The following GCSAML variants were observed in gnomAD, a reference collection of about 807,000 sequenced individuals.
GCSAML encodes germinal center associated signaling and motility like, also known as germinal center-associated signaling and motility-like protein.
GCSAML carries 9 observed loss-of-function variants against 13.0 expected under a neutral mutation model. The ratio of observed to expected loss-of-function variants is 0.69; its 90% CI spans 0.42 to 1.21. The LOEUF is 1.21. Ranked by LOEUF, GCSAML falls within the 50% of genes most tolerant of loss-of-function variation. The probability of loss-of-function intolerance (pLI) is 0.00; values close to 1 mark genes in which losing one functional copy is unlikely to be tolerated. For missense variants in GCSAML, 143 were observed against 153.4 expected, an observed-to-expected ratio of 0.93 and a Z score of 0.36; for synonymous variants, 37 against 52.9, an observed-to-expected ratio of 0.70 and a Z score of 1.31.
chr1:247,532,671 G>A (rs1040666184), intron 2 of GCSAML: 21 of 713,248 alleles, frequency 2.9e-5, no homozygotes, highest in African/African-American at 2.3e-4. Flanking sequence ...TGTGTTGCCC[G>A]GGCTAACTTC....
intron 2 of GCSAML, chr1:247,531,266 G>T: frequency 2.4e-6 from 1 of 418,310 alleles, no homozygotes; most frequent in Non-Finnish European, 4.3e-6. Flanking sequence ...GGATACTGAG[G>T]AACAGCTGAA....
chr1:247,574,098 G>T, intron 4 of GCSAML, 45 bp from the exon 5 acceptor site: 1 of 1,605,646 alleles, frequency 6.2e-7, no homozygotes, highest in South Asian at 1.1e-5. Context: ...TTCAATTTAT[G>T]AATGACCGTG....
rs73148444 is a variant in GCSAML, at chr1:247,531,457, T to C, written c.-148+4403T>C. On this transcript the variant is annotated intron_variant, in intron 2 of 5. Coordinates refer to the GCSAML transcript ENST00000366489. ...CATCTACCTTGAGCTCAAACAATAT[T>C]AGAAGAAAAACGACATCCCAAGTGC... 5.1e-3 allele frequency: 6,597 copies of C among 1,303,978 alleles called. 270 individuals carry two copies. In the African/African-American group the frequency reaches 0.085, roughly 17 times the overall value. 80.8% of individuals were successfully genotyped at this position (1,303,978 alleles called of 1,614,324 possible).
At position 247,549,198 on chromosome 1, in the gene GCSAML, A is replaced by C. The variant is rs1194957303; in HGVS notation, c.7A>C (p.Asn3His). 1.2e-6 allele frequency: 2 copies of C among 1,614,112 alleles called. No homozygotes were observed. Among genetic ancestry groups the C allele is most frequent in the South Asian group, 2.2e-5 (2 of 91,078 alleles). The change falls in exon 1 of 5, where the codon AAT becomes CAT. Residue 3 changes from asparagine (N) to histidine (H), a missense_variant. By Grantham distance (68) the Asn-to-His change is moderately conservative. Transcript: ENST00000366488. The stretch of plus-strand genomic sequence containing the variant: ...ACCGAGTCACTGTGAAAAGATGGGA[A>C]ATTATCTCCTGCGAAAACTCAGGTG... MG[N>H]YLLRKLSCLG...
At chr1:247,564,407 GCT>G (rs967990770) in intron 3 of GCSAML, among the ~76,000 whole-genome samples, 1 of 147,700 alleles carries the variant, frequency 6.8e-6, no homozygotes, top group Admixed American at 6.8e-5. Context: ...AAAAGAATTT[GCT>G]CTGTTTGCCA....
At chr1:247,521,543 C>A (rs891738612) in intron 1 of GCSAML, among the ~76,000 whole-genome samples, 2 of 152,198 alleles carry the variant, frequency 1.3e-5, no homozygotes, top group Non-Finnish European at 2.9e-5. Flanking sequence ...CGACGCCTGA[C>A]TGGTTTTCGT....
intron 1 of GCSAML, among the ~76,000 whole-genome samples, chr1:247,516,891 G>T (rs1422054426): frequency 6.6e-6 from 1 of 152,162 alleles, no homozygotes; most frequent in African/African-American, 2.4e-5. Context: ...CGAGATCTAT[G>T]TTCCCAGCGC....
intron 2 of GCSAML, chr1:247,529,217 C>G (rs1454736552): frequency 6.6e-6 from 1 of 152,166 alleles, no homozygotes; most frequent in Non-Finnish European, 1.5e-5. Flanking sequence ...CATGCCCGAA[C>G]CATTTACATA....
intron 1 of GCSAML, among the ~76,000 whole-genome samples, chr1:247,510,638 G>A (rs920344741): frequency 3.3e-5 from 5 of 151,490 alleles, no homozygotes; most frequent in Non-Finnish European, 5.9e-5. Context: ...TGGGCATTTA[G>A]TGCTATAAAT....
At chr1:247,569,679 T>C (rs1448220887) in intron 4 of GCSAML, among the ~76,000 whole-genome samples, 2 of 152,190 alleles carry the variant, frequency 1.3e-5, no homozygotes, top group African/African-American at 2.4e-5. Context: ...ATTTTTGTTT[T>C]GTCTCTGGCA....
intron 2 of GCSAML, among the ~76,000 whole-genome samples, chr1:247,541,658 T>C (rs1400245057): frequency 6.6e-6 from 1 of 152,086 alleles, no homozygotes; most frequent in Admixed American, 6.5e-5. Flanking sequence ...AACCCTTAGG[T>C]GAGCAGTAAT....
At chr1:247,549,782 T>C (rs190447951) in intron 1 of GCSAML, among the ~76,000 whole-genome samples, 1 of 152,180 alleles carries the variant, frequency 6.6e-6, no homozygotes, top group Non-Finnish European at 1.5e-5. Context: ...ACACCTTTTT[T>C]GGTAATGTTT....
At chr1:247,532,731 G>T in intron 2 of GCSAML, 2 of 565,040 alleles carry the variant, frequency 3.5e-6, no homozygotes, top group South Asian at 2.1e-5. Flanking sequence ...TTGGTAGGTT[G>T]AGAATACAGG....
At chr1:247,514,200 G>A (rs187242338) in intron 1 of GCSAML, among the ~76,000 whole-genome samples, 19 of 152,204 alleles carry the variant, frequency 1.2e-4, no homozygotes, top group Admixed American at 5.9e-4. Flanking sequence ...AGGATGGCCC[G>A]GATCTCTTGA....
intron 4 of GCSAML, among the ~76,000 whole-genome samples, chr1:247,573,350 G>A (rs577029110): frequency 6.6e-6 from 1 of 152,324 alleles, no homozygotes; most frequent in South Asian, 2.1e-4. Flanking sequence ...TGGTCTGTGG[G>A]TTGCAAAGAC....
intron 1 of GCSAML, chr1:247,518,333 TTCCCCGGCC>T (rs1199917301): frequency 1.3e-5 from 2 of 152,406 alleles, no homozygotes; most frequent in African/African-American, 4.8e-5. Context: ...ACGCCTGGCT[TTCCCCGGCC>T]ACCCCAGCCG....
At chr1:247,555,925 G>T (rs770209127) in intron 1 of GCSAML, among the ~76,000 whole-genome samples, 30 of 152,202 alleles carry the variant, frequency 2.0e-4, no homozygotes, top group Non-Finnish European at 3.8e-4. Context: ...TGTATGTAAA[G>T]ATCCCAATGT....
At chr1:247,539,844 A>G (rs1667348400) in intron 2 of GCSAML, among the ~76,000 whole-genome samples, 1 of 152,144 alleles carries the variant, frequency 6.6e-6, no homozygotes, top group Non-Finnish European at 1.5e-5. Context: ...CGCTTCACTG[A>G]CTTCCTACCT....
chr1:247,536,781 A>G (rs1006359995), intron 2 of GCSAML, among the ~76,000 whole-genome samples: 20 of 152,312 alleles, frequency 1.3e-4, no homozygotes, highest in African/African-American at 4.3e-4. Context: ...CGTAAGAATC[A>G]AGTCTCTCTA....
Sources: gnomAD v4.1 joint callset for allele counts (sites outside exome capture counted in the v4.1 genomes callset) on GRCh38, gnomAD v4.1.1 for gene constraint, MANE v1.5 for transcripts, NCBI Gene and HGNC (gene_info 2026-07-23, HGNC 2026-07-21) for gene names.